The following TRAPPC9 variants were observed in gnomAD, a reference collection of about 807,000 sequenced individuals.
TRAPPC9 encodes trafficking protein particle complex subunit 9.
A neutral mutation model predicts 124.0 loss-of-function variants in TRAPPC9; 83 were observed. That is an observed-to-expected ratio of 0.67 (90% confidence interval 0.56 to 0.80). TRAPPC9 has a LOEUF of 0.80. TRAPPC9 is among the 30% of genes least tolerant of loss of function. The pLI, the probability that TRAPPC9 is intolerant of heterozygous loss-of-function variation, is 0.00. For synonymous variants in TRAPPC9, 638 were observed against 617.5 expected, an observed-to-expected ratio of 1.03 and a Z score of -0.49; for missense variants, 1,302 against 1,508.3, an observed-to-expected ratio of 0.86 and a Z score of 2.27.
At chr8:140,128,829 C>G (rs1232195944) in intron 17 of TRAPPC9, among the ~76,000 whole-genome samples, 2 of 152,234 alleles carry the variant, frequency 1.3e-5, no homozygotes, top group Non-Finnish European at 2.9e-5. Flanking sequence ...TAGGAAAAGG[C>G]CTGCACATGG....
chr8:140,290,934 T>G (rs1226265373), intron 12 of TRAPPC9, 59 bp downstream of exon 12: 9 of 1,392,656 alleles, frequency 6.5e-6, no homozygotes, highest in Non-Finnish European at 9.2e-6. Context: ...AAGTAAAACC[T>G]ACTTTAATGA....
chr8:140,079,944 A>G (rs1056171789), intron 17 of TRAPPC9, among the ~76,000 whole-genome samples: 1 of 152,072 alleles, frequency 6.6e-6, no homozygotes, highest in Non-Finnish European at 1.5e-5. Context: ...TAATAATAAT[A>G]ATGATAATAA....
intron 15 of TRAPPC9, among the ~76,000 whole-genome samples, chr8:140,273,669 C>T (rs372424496): frequency 7.9e-4 from 121 of 152,328 alleles, no homozygotes; most frequent in African/African-American, 2.6e-3. Flanking sequence ...GCCCCTCTGC[C>T]TGGCTTTCAT....
At chr8:140,126,594 C>G (rs2061102675) in intron 17 of TRAPPC9, among the ~76,000 whole-genome samples, 1 of 152,336 alleles carries the variant, frequency 6.6e-6, no homozygotes, top group East Asian at 1.9e-4. Flanking sequence ...TAAATGACAT[C>G]ATCTGTCACA....
chr8:139,814,849 G>T (rs1411671399), intron 21 of TRAPPC9, among the ~76,000 whole-genome samples: 2 of 152,210 alleles, frequency 1.3e-5, no homozygotes, highest in East Asian at 3.8e-4. Flanking sequence ...TGCACCCAAG[G>T]AGTTCCTATA....
At chr8:140,269,136 C>T (rs2064792670) in intron 15 of TRAPPC9, among the ~76,000 whole-genome samples, 1 of 151,976 alleles carries the variant, frequency 6.6e-6, no homozygotes, top group Non-Finnish European at 1.5e-5. Flanking sequence ...TGTCACTGTA[C>T]ATGTATTTTA....
At chr8:139,976,183 G>T (rs1003631565) in intron 19 of TRAPPC9, among the ~76,000 whole-genome samples, 2 of 151,990 alleles carry the variant, frequency 1.3e-5, no homozygotes, top group African/African-American at 4.8e-5. Flanking sequence ...GAGCCACCGC[G>T]CCTGGCCAGG....
At chr8:140,146,509 C>G (rs1313704830) in intron 17 of TRAPPC9, among the ~76,000 whole-genome samples, 2 of 152,194 alleles carry the variant, frequency 1.3e-5, no homozygotes, top group Non-Finnish European at 2.9e-5. Context: ...TGTGCATATA[C>G]ACATTTTTTC....
intron 17 of TRAPPC9, among the ~76,000 whole-genome samples, chr8:140,053,426 T>C (rs1310449808): frequency 6.6e-6 from 1 of 152,256 alleles, no homozygotes. Flanking sequence ...GAGAAGATAC[T>C]TGGTACAATT....
chr8:140,349,121 C>T (rs1247970584), intron 9 of TRAPPC9, among the ~76,000 whole-genome samples: 5 of 121,002 alleles, frequency 4.1e-5, no homozygotes, highest in South Asian at 5.7e-4. Flanking sequence ...CTGAAGACGG[C>T]GCACGAGGGA....
chr8:140,363,052 T>A (rs1407615741), intron 8 of TRAPPC9, among the ~76,000 whole-genome samples: 2 of 152,234 alleles, frequency 1.3e-5, no homozygotes, highest in Non-Finnish European at 2.9e-5. Flanking sequence ...TTTTCAATAC[T>A]CTTGTAATCA....
intron 19 of TRAPPC9, among the ~76,000 whole-genome samples, chr8:139,980,047 G>T (rs1836783469): frequency 1.1e-5 from 1 of 90,474 alleles, no homozygotes; most frequent in African/African-American, 4.5e-5. Flanking sequence ...ATTCCTGCAG[G>T]TACCCCCCAG....
At chr8:139,858,934 A>G (rs932060521) in intron 21 of TRAPPC9, among the ~76,000 whole-genome samples, 9 of 146,394 alleles carry the variant, frequency 6.1e-5, no homozygotes, top group Non-Finnish European at 1.3e-4. Flanking sequence ...GTCTCCATCT[A>G]GAAGCCGTCT....
chr8:140,145,595 G>GA (rs2061450486), intron 17 of TRAPPC9, among the ~76,000 whole-genome samples: 2 of 152,142 alleles, frequency 1.3e-5, no homozygotes, highest in Non-Finnish European at 2.9e-5. Flanking sequence ...TTCTGCTGTA[G>GA]AACCATCTTT....
intron 22 of TRAPPC9, 81 bp downstream of exon 22, chr8:139,731,898 C>T (rs1817847884): frequency 1.5e-6 from 2 of 1,365,838 alleles, no homozygotes; most frequent in South Asian, 2.5e-5. Flanking sequence ...TATGCTGACC[C>T]CAAAGCCCAC....
At chr8:140,034,889 AAAG>A (rs1417092120) in intron 17 of TRAPPC9, among the ~76,000 whole-genome samples, 1 of 152,244 alleles carries the variant, frequency 6.6e-6, no homozygotes, top group Non-Finnish European at 1.5e-5. Context: ...CTAAGGAGAC[AAAG>A]AAGGAGACTG....
intron 17 of TRAPPC9, among the ~76,000 whole-genome samples, chr8:140,177,428 T>C (rs2062094572): frequency 6.6e-6 from 1 of 152,200 alleles, no homozygotes; most frequent in East Asian, 1.9e-4. Flanking sequence ...CTTGGCACAT[T>C]AGTCCAAAAT....
intron 17 of TRAPPC9, among the ~76,000 whole-genome samples, chr8:140,055,350 G>C (rs1240316805): frequency 6.6e-6 from 1 of 152,078 alleles, no homozygotes; most frequent in African/African-American, 2.4e-5. Context: ...AACGAGCCAG[G>C]AATGGGAAGA....
chr8:139,736,826 C>G (rs150583237), intron 21 of TRAPPC9, among the ~76,000 whole-genome samples: 2 of 152,174 alleles, frequency 1.3e-5, no homozygotes, highest in Non-Finnish European at 2.9e-5. Flanking sequence ...ACTCTGGGCC[C>G]GAACAAGCGG....
Sources: allele counts gnomAD v4.1 joint callset (sites outside exome capture counted in the v4.1 genomes callset), GRCh38; gene constraint gnomAD v4.1.1; transcripts MANE v1.5; gene names NCBI Gene and HGNC (gene_info 2026-07-23, HGNC 2026-07-21).